The following CUBN variants were observed in gnomAD, a reference collection of about 807,000 sequenced individuals.
CUBN encodes the protein cubilin, also known as 460 kDa receptor.
Under a neutral mutation model 405.3 loss-of-function variants are expected in CUBN, and 282 were observed. The ratio of observed to expected loss-of-function variants is 0.70; its 90% CI spans 0.63 to 0.77. CUBN has a LOEUF of 0.77. CUBN is among the 30% of genes least tolerant of loss of function. CUBN has a pLI of 0.00. For synonymous variants in CUBN, 1,684 were observed against 1,617.0 expected, an observed-to-expected ratio of 1.04 and a Z score of -0.99; for missense variants, 4,514 against 4,475.2, an observed-to-expected ratio of 1.01 and a Z score of -0.25.
At chr10:16,864,174 G>C (rs1351800180) in intron 59 of CUBN, among the ~76,000 whole-genome samples, 2 of 152,274 alleles carry the variant, frequency 1.3e-5, no homozygotes, top group Middle Eastern at 3.4e-3. Context: ...AATATCGATG[G>C]AGTAACAATT....
At chr10:16,980,783 A>T (rs1231989797) in intron 31 of CUBN, among the ~76,000 whole-genome samples, 1 of 152,020 alleles carries the variant, frequency 6.6e-6, no homozygotes, top group African/African-American at 2.4e-5. Flanking sequence ...TGGCACGTGT[A>T]TACCTATATA....
At chr10:16,990,749 C>A (rs1045223823) in intron 28 of CUBN, among the ~76,000 whole-genome samples, 1 of 152,084 alleles carries the variant, frequency 6.6e-6, no homozygotes, top group Non-Finnish European at 1.5e-5. Context: ...TAATTTAGTA[C>A]AATAATGCTC....
chr10:16,839,948 C>T (rs1201551574), intron 62 of CUBN, among the ~76,000 whole-genome samples: 1 of 151,848 alleles, frequency 6.6e-6, no homozygotes, highest in Non-Finnish European at 1.5e-5. Flanking sequence ...CCATCATTCT[C>T]AGCAAACTAT....
At chr10:17,098,488 T>C (rs957966110) in intron 14 of CUBN, among the ~76,000 whole-genome samples, 1 of 152,214 alleles carries the variant, frequency 6.6e-6, no homozygotes, top group Admixed American at 6.5e-5. Context: ...CAATGAAATA[T>C]TGAGCATTTC....
intron 10 of CUBN, among the ~76,000 whole-genome samples, chr10:17,108,876 A>C (rs561030968): frequency 6.6e-6 from 1 of 152,302 alleles, no homozygotes; most frequent in Admixed American, 6.5e-5. Flanking sequence ...AAACTTTACC[A>C]ATCAGTAAGA....
At chr10:16,935,591 T>C (rs1365190949) in intron 39 of CUBN, among the ~76,000 whole-genome samples, 1 of 152,184 alleles carries the variant, frequency 6.6e-6, no homozygotes, top group African/African-American at 2.4e-5. Flanking sequence ...GAAATGCTGA[T>C]AGGACAGGAC....
chr10:16,928,532 C>T (rs78474841), intron 40 of CUBN, among the ~76,000 whole-genome samples: 19,148 of 106,272 alleles, frequency 0.18, 1,530 homozygotes, highest in Middle Eastern at 0.22. Context: ...CCACCCCCCC[C>T]TTTTTTTTTT....
chr10:16,854,581 T>C (rs1425048034), intron 59 of CUBN, among the ~76,000 whole-genome samples: 6 of 151,842 alleles, frequency 4.0e-5, no homozygotes, highest in African/African-American at 1.5e-4. Flanking sequence ...CACTGAAGAG[T>C]TGGAGGTAGG....
rs764735815 is a variant in CUBN, at chr10:17,068,049, C to T, written c.3008+15G>A. ...GAAGTTTTATTGTTAAACAAACAAA[C>T]AAACATAACCTTACCTTCCAAGGGA... is the stretch of plus-strand genomic sequence containing the variant. On this transcript the variant is annotated intron_variant, in intron 21 of 66. Transcript: ENST00000377833. 1 of 1,592,742 alleles carries T rather than the reference C, an allele frequency of 6.3e-7. No individual in the cohort carries two copies. Among genetic ancestry groups the T allele is most frequent in the South Asian group, 1.1e-5 (1 of 90,566 alleles).
intron 15 of CUBN, among the ~76,000 whole-genome samples, chr10:17,086,233 G>T (rs1228752145): frequency 1.3e-5 from 2 of 151,976 alleles, no homozygotes; most frequent in East Asian, 3.9e-4. Flanking sequence ...CAAAGTGCTG[G>T]GATTACAGGC....
chr10:16,974,157 C>A (rs1205307187), intron 31 of CUBN, among the ~76,000 whole-genome samples: 2 of 152,136 alleles, frequency 1.3e-5, no homozygotes, highest in Admixed American at 1.3e-4. Context: ...TAAATCTGAC[C>A]TAGGTCCTCT....
chr10:17,124,781 G>A (rs1390092324), intron 4 of CUBN, among the ~76,000 whole-genome samples: 1 of 151,810 alleles, frequency 6.6e-6, no homozygotes, highest in Non-Finnish European at 1.5e-5. Flanking sequence ...GCCACTTTAT[G>A]AATTTCACTC....
At chr10:17,040,004 C>T (rs559197857) in intron 27 of CUBN, among the ~76,000 whole-genome samples, 1 of 152,244 alleles carries the variant, frequency 6.6e-6, no homozygotes, top group Non-Finnish European at 1.5e-5. Context: ...CAACCTCAAC[C>T]AATGCTAGTT....
At chr10:17,055,446 G>A (rs764015571) in intron 22 of CUBN, among the ~76,000 whole-genome samples, 1 of 151,976 alleles carries the variant, frequency 6.6e-6, no homozygotes, top group Non-Finnish European at 1.5e-5. Context: ...GAGAAAGAGG[G>A]ACAGAGAGAG....
chr10:16,924,177 A>G (rs1183187628), intron 43 of CUBN, among the ~76,000 whole-genome samples: 1 of 152,156 alleles, frequency 6.6e-6, no homozygotes, highest in Non-Finnish European at 1.5e-5. Flanking sequence ...GGACACTGCT[A>G]CTCTTGAAAT....
Position 17,044,991 on chromosome 10 carries a change from G to A in CUBN, c.3672+16C>T, listed in dbSNP as rs1317683377. On this transcript the variant is annotated intron_variant, in intron 25 of 66. Coordinates refer to ENST00000377833, the MANE Select transcript of CUBN (RefSeq NM_001081.4). ...GATGGGAGCAGGGAACAATATGATG[G>A]AAACATTATACATACAGCCAGGTAA... 1.2e-6 allele frequency: 2 copies of A among 1,611,856 alleles called. No individual in the cohort carries two copies. The highest frequency in any genetic ancestry group is 3.3e-5 in the Admixed American group (2 of 59,992).
At chr10:17,045,232 G>T in intron 24 of CUBN, 44 bp from the exon 25 acceptor site, 2 of 1,588,338 alleles carry the variant, frequency 1.3e-6, no homozygotes, top group Non-Finnish European at 1.7e-6. Flanking sequence ...CTTTCCTTCT[G>T]GGGAAATTGA....
intron 14 of CUBN, among the ~76,000 whole-genome samples, 186 bp from the exon 15 acceptor site, chr10:17,088,531 A>G (rs1836179737): frequency 6.6e-6 from 1 of 152,246 alleles, no homozygotes; most frequent in South Asian, 2.1e-4. Context: ...AGAAGTATCA[A>G]TTGATAAACA....
chr10:16,988,434 C>T (rs1833490225), intron 29 of CUBN, among the ~76,000 whole-genome samples: 1 of 152,094 alleles, frequency 6.6e-6, no homozygotes, highest in Non-Finnish European at 1.5e-5. Flanking sequence ...ACAGTCCTTC[C>T]GTGAAGACTT....
Sources: gnomAD v4.1 joint callset for allele counts (sites outside exome capture counted in the v4.1 genomes callset) on GRCh38, gnomAD v4.1.1 for gene constraint, MANE v1.5 for transcripts, NCBI Gene and HGNC (gene_info 2026-07-23, HGNC 2026-07-21) for gene names.